The following AKT1 variants were observed in gnomAD, a reference collection of about 807,000 sequenced individuals.
AKT1 encodes RAC-alpha serine/threonine-protein kinase.
AKT1 carries 21 observed loss-of-function variants against 63.1 expected under a neutral mutation model. That is an observed-to-expected ratio of 0.33 (90% CI 0.24 to 0.48). The LOEUF is 0.48. Among genes scored for constraint, AKT1 ranks in the 20% least tolerant of loss-of-function variants. The pLI is 0.99. For missense variants in AKT1, 382 were observed against 666.0 expected (o/e 0.57, Z 4.69); for synonymous variants, 257 against 253.1 (o/e 1.02, Z -0.15).
At chr14:104,779,010 C>G (rs74090023) in intron 4 of AKT1, among the ~76,000 whole-genome samples, 6,969 of 152,298 alleles carry the variant, frequency 0.046, 527 homozygotes, top group African/African-American at 0.16. Context: ...ATGCCCAACC[C>G]GTGTCTCTGG....
intron 3 of AKT1, among the ~76,000 whole-genome samples, chr14:104,780,908 A>C (rs1386188206): frequency 6.6e-6 from 1 of 152,236 alleles, no homozygotes; most frequent in East Asian, 1.9e-4. Context: ...TGGCCCAGCC[A>C]GCTGGGCAGG....
chr14:104,770,887 C>A, intron 13 of AKT1, 40 bp from the exon 14 acceptor site: 4 of 1,576,420 alleles, frequency 2.5e-6, no homozygotes, highest in Non-Finnish European at 3.5e-6. Flanking sequence ...GAGCTTCGCT[C>A]CCCACTCCCA....
chr14:104,792,869 C>G (rs1893700883), intron 2 of AKT1, 147 bp from the exon 3 acceptor site: 2 of 608,442 alleles, frequency 3.3e-6, no homozygotes, highest in Non-Finnish European at 5.9e-6. Context: ...TCTAAGCTCT[C>G]TGACCCCCAT....
chr14:104,774,107 A>G (rs1365335756), intron 8 of AKT1, 127 bp from the exon 9 acceptor site: 11 of 788,310 alleles, frequency 1.4e-5, no homozygotes, highest in Non-Finnish European at 2.1e-5. Context: ...CCCACACCAC[A>G]CTGCCCGACA....
At chr14:104,773,604 A>G (rs751144650) in intron 9 of AKT1, 24 bp from the exon 10 acceptor site, 4 of 1,594,038 alleles carry the variant, frequency 2.5e-6, no homozygotes, top group Non-Finnish European at 3.4e-6. Context: ...AACCTGAGGC[A>G]CAGCCGTGGC....
rs1268659696 is a variant in AKT1, at chr14:104,775,736, C to T, written c.351G>A (p.Glu117=). 3 of 1,613,360 alleles carry T rather than the reference C, an allele frequency of 1.9e-6. No individual in the cohort carries two copies. The African/African-American group carries it at 4.0e-5, about 22-fold the overall frequency. Residue 117 remains glutamate, a synonymous_variant, in exon 6 of 15, where the codon GAG becomes GAA. Coordinates refer to ENST00000649815, the MANE Select transcript of AKT1 (RefSeq NM_001382430.1). ...ADGLKKQEEE[E]MDFRSGSPSD... The stretch of plus-strand genomic sequence containing the variant: ...TGGGTGAGCCCGACCGGAAGTCCAT[C>T]TCCTCCTCCTCCTGCTTCTTGAGGC...
rs990771977 is a variant in AKT1, at chr14:104,776,340, G to A, written c.287+319C>T. On this transcript the variant is annotated intron_variant, in intron 5 of 14. Transcript: ENST00000649815. ...TTTTATATTTTTAGTAGAGACGGGGGTTTCACCATGTTGGCAGGCTAGTCT... is the reference window on the plus strand; with the variant it reads ...TTTTATATTTTTAGTAGAGACGGGGATTTCACCATGTTGGCAGGCTAGTCT... 5 of 249,552 alleles carry A rather than the reference G, an allele frequency of 2.0e-5. No homozygotes were observed. The Admixed American group carries it at 2.1e-4, about 10-fold the overall frequency. The allele number at this position is 249,552 out of a possible 1,614,324, so 15.5% of individuals were successfully genotyped here.
chr14:104,780,936 G>A (rs959253000), intron 3 of AKT1, among the ~76,000 whole-genome samples: 4 of 152,226 alleles, frequency 2.6e-5, no homozygotes, highest in South Asian at 2.1e-4. Flanking sequence ...GGGCACAGAG[G>A]GTGCCAAGTC....
At chr14:104,770,580 G>A in intron 14 of AKT1, 160 bp from the exon 15 acceptor site, 1 of 906,738 alleles carries the variant, frequency 1.1e-6, no homozygotes, top group East Asian at 2.6e-5. Context: ...AGGGACCTGG[G>A]CCCTCAGAGC....
Position 104,793,078 on chromosome 14 carries a change from G to A in AKT1, c.-80+49C>T, listed in dbSNP as rs555724770. 79 of 260,866 alleles carry A rather than the reference G, an allele frequency of 3.0e-4. 1 individual carries two copies. Among genetic ancestry groups the A allele is most frequent in the African/African-American group, 1.2e-3 (52 of 44,834 alleles). The allele number at this position is 260,866 out of a possible 1,614,324, so 16.2% of individuals were successfully genotyped here. ...CTCCCCATTCCCACCTCCCCCAGCCGTTGGACAAATCACCCCCATCCCCAA... is the reference window on the plus strand; with the variant it reads ...CTCCCCATTCCCACCTCCCCCAGCCATTGGACAAATCACCCCCATCCCCAA... On this transcript the variant is annotated intron_variant, in intron 2 of 14. Coordinates refer to ENST00000649815, the MANE Select transcript of AKT1 (RefSeq NM_001382430.1).
rs560947797 is a variant in AKT1 at position 104,770,003 on chromosome 14, T to G, written c.*338A>C. On this transcript the variant is annotated 3_prime_UTR_variant, in exon 15 of 15. Transcript: ENST00000649815. ...CTGGCTGACAGAGTGAGGGGACACATGGGCAGGACCTGCCCGGCCCCCCAA... is the reference window on the plus strand; with the variant it reads ...CTGGCTGACAGAGTGAGGGGACACAGGGGCAGGACCTGCCCGGCCCCCCAA... The G allele has an allele frequency of 2.2e-6, 1 of 453,124 alleles. No individual in the cohort carries two copies. The highest frequency in any genetic ancestry group is 4.1e-5 in the East Asian group (1 of 24,326). The allele number at this position is 453,124 out of a possible 1,614,324, so 28.1% of individuals were successfully genotyped here.
At chr14:104,786,021 G>A (rs1010652736) in intron 3 of AKT1, among the ~76,000 whole-genome samples, 17 of 151,884 alleles carry the variant, frequency 1.1e-4, no homozygotes, top group South Asian at 2.1e-4. Flanking sequence ...CCCTCGGGCC[G>A]GCAAAGGCAC....
intron 3 of AKT1, among the ~76,000 whole-genome samples, chr14:104,787,195 G>T (rs1893376069): frequency 6.6e-6 from 1 of 152,152 alleles, no homozygotes; most frequent in African/African-American, 2.4e-5. Flanking sequence ...ATTCCTTAAG[G>T]TTCAAGGAAA....
intron 8 of AKT1, 112 bp from the exon 9 acceptor site, chr14:104,774,092 G>A (rs374171175): frequency 1.4e-4 from 137 of 993,682 alleles, no homozygotes; most frequent in African/African-American, 6.2e-4. Flanking sequence ...CACACCGCCC[G>A]TAGCCCCACA....
chr14:104,785,976 G>A (rs2140981791), intron 3 of AKT1, among the ~76,000 whole-genome samples: 1 of 152,130 alleles, frequency 6.6e-6, no homozygotes, highest in Middle Eastern at 3.4e-3. Context: ...CCTGGGCCTG[G>A]ATGTCCTCCC....
intron 13 of AKT1, chr14:104,771,677 A>G (rs576294991): frequency 6.4e-5 from 15 of 235,318 alleles, no homozygotes; most frequent in Admixed American, 2.7e-4. Context: ...AGCCTAGGAC[A>G]GGCATTCAGG....
rs1256070566 is a variant in AKT1, at chr14:104,775,634, A to G, written c.435+18T>C. 23 of 1,612,936 alleles carry G rather than the reference A, an allele frequency of 1.4e-5. No homozygotes were observed. Among genetic ancestry groups the G allele is most frequent in the Admixed American group, 3.3e-5 (2 of 59,958 alleles). ...CAAGGCAGCCCCAGGCACAGGCAGA[A>G]GTGGGGACAGGCCTCACCACGCGGT... On this transcript the variant is annotated intron_variant, in intron 6 of 14. Coordinates refer to ENST00000649815, the MANE Select transcript of AKT1 (RefSeq NM_001382430.1).
intron 13 of AKT1, chr14:104,771,232 C>A: frequency 3.2e-6 from 1 of 308,314 alleles, no homozygotes. Context: ...AAGAGGGAGA[C>A]TGTGGAACAA....
intron 3 of AKT1, among the ~76,000 whole-genome samples, chr14:104,790,540 G>T (rs1238673792): frequency 2.0e-5 from 3 of 152,224 alleles, no homozygotes; most frequent in African/African-American, 4.8e-5. Flanking sequence ...GTGGCGAAAT[G>T]CGGCAGGCCC....
Sources: allele counts gnomAD v4.1 joint callset (sites outside exome capture counted in the v4.1 genomes callset), GRCh38; gene constraint gnomAD v4.1.1; transcripts MANE v1.5; gene names NCBI Gene and HGNC (gene_info 2026-07-23, HGNC 2026-07-21).